Variants in NCALD observed in about 807,000 individuals in gnomAD.
NCALD encodes the protein neurocalcin-delta.
NCALD carries 10 observed loss-of-function variants against 18.6 expected under a neutral mutation model. The ratio of observed to expected loss-of-function variants is 0.54; its 90% CI spans 0.33 to 0.91. The LOEUF (loss-of-function observed/expected upper bound fraction) is 0.91, where lower values mean the gene tolerates loss of function less well. Ranked by LOEUF, NCALD falls within the 40% of genes least tolerant of loss-of-function variation. NCALD has a pLI of 0.03. For synonymous variants in NCALD, 88 were observed against 87.4 expected (o/e 1.01, Z -0.04); for missense variants, 184 against 247.6 (o/e 0.74, Z 1.72).
intron 4 of NCALD, among the ~76,000 whole-genome samples, chr8:101,865,354 G>A (rs1487760199): frequency 1.3e-5 from 2 of 152,208 alleles, no homozygotes; most frequent in African/African-American, 2.4e-5. Flanking sequence ...AGGACTCCAG[G>A]AGGGCTATTG....
At chr8:102,089,041 T>C (rs1200885639) in intron 1 of NCALD, among the ~76,000 whole-genome samples, 1 of 152,164 alleles carries the variant, frequency 6.6e-6, no homozygotes, top group African/African-American at 2.4e-5. Context: ...TATTAGGCCA[T>C]AAAAACTACA....
intron 4 of NCALD, among the ~76,000 whole-genome samples, chr8:101,799,795 C>A (rs930688260): frequency 6.6e-6 from 1 of 152,154 alleles, no homozygotes; most frequent in Non-Finnish European, 1.5e-5. Flanking sequence ...GGAAAGTACG[C>A]TGGCTATAAA....
chr8:102,113,995 G>T lies in NCALD; in HGVS notation c.-210+10242C>A, dbSNP rs1168602640. Among the ~76,000 whole-genome samples, 4 of 152,250 alleles carry T rather than the reference G, an allele frequency of 2.6e-5. No individual in the cohort carries two copies. In the South Asian group the frequency reaches 8.3e-4, roughly 32 times the overall value. On this transcript the variant is annotated intron_variant, in intron 1 of 6. Coordinates refer to the NCALD transcript ENST00000311028. Reference sequence around the variant, plus strand: ...GTAGCGAGTGTATCCCCTCAAGGGGGTCACTCCGTAGAACTAATGCTAAAA... The same window carrying T: ...GTAGCGAGTGTATCCCCTCAAGGGGTTCACTCCGTAGAACTAATGCTAAAA...
intron 1 of NCALD, among the ~76,000 whole-genome samples, chr8:101,782,709 C>T (rs1812066164): frequency 6.6e-6 from 1 of 152,208 alleles, no homozygotes; most frequent in Admixed American, 6.5e-5. Context: ...ATGCCAGACG[C>T]TCTCTATCCT....
intron 2 of NCALD, among the ~76,000 whole-genome samples, chr8:101,981,729 G>A (rs1820625656): frequency 6.6e-6 from 1 of 151,932 alleles, no homozygotes; most frequent in Non-Finnish European, 1.5e-5. Flanking sequence ...GCTTTTTAAG[G>A]AACTATAACC....
chr8:101,914,617 C>G (rs979331377), intron 3 of NCALD, among the ~76,000 whole-genome samples: 44 of 152,146 alleles, frequency 2.9e-4, no homozygotes, highest in African/African-American at 1.1e-3. Flanking sequence ...GTATTTATAT[C>G]AGTATAGATA....
intron 4 of NCALD, among the ~76,000 whole-genome samples, chr8:101,848,439 A>C (rs1015778542): frequency 6.6e-6 from 1 of 152,214 alleles, no homozygotes; most frequent in African/African-American, 2.4e-5. Flanking sequence ...ACTCTCAAAC[A>C]GATACAGCAA....
intron 4 of NCALD, among the ~76,000 whole-genome samples, chr8:101,797,472 A>C (rs1812681035): frequency 6.6e-6 from 1 of 152,206 alleles, no homozygotes; most frequent in Non-Finnish European, 1.5e-5. Flanking sequence ...TGAAATGACA[A>C]AAGGAAAAAG....
At chr8:101,969,822 A>G (rs1465622040) in intron 2 of NCALD, among the ~76,000 whole-genome samples, 1 of 152,230 alleles carries the variant, frequency 6.6e-6, no homozygotes, top group Non-Finnish European at 1.5e-5. Flanking sequence ...ATATGATTTG[A>G]CCTAATACTT....
chr8:101,784,248 T>G (rs1306387216), intron 1 of NCALD, among the ~76,000 whole-genome samples: 3 of 152,096 alleles, frequency 2.0e-5, no homozygotes, highest in Non-Finnish European at 4.4e-5. Context: ...GCAAGAGATG[T>G]TGGCTGAAAT....
At chr8:101,703,791 GCA>G (rs1237943438) in intron 2 of NCALD, among the ~76,000 whole-genome samples, 1 of 152,128 alleles carries the variant, frequency 6.6e-6, no homozygotes, top group Non-Finnish European at 1.5e-5. Flanking sequence ...AGAGAGAGTG[GCA>G]CAGAGAGAAC....
intron 1 of NCALD, chr8:101,745,836 T>C (rs577686732): frequency 1.3e-5 from 2 of 152,338 alleles, no homozygotes; most frequent in East Asian, 3.9e-4. Context: ...CTCACCTCAC[T>C]TCACAGATGA....
intron 3 of NCALD, chr8:101,691,554 T>A (rs1205940115): frequency 1.0e-5 from 10 of 985,256 alleles, no homozygotes; most frequent in Non-Finnish European, 1.1e-5. Context: ...CTCCCTTGAG[T>A]ACCAGTAAAA....
At chr8:101,927,825 G>C (rs1818394514) in intron 2 of NCALD, among the ~76,000 whole-genome samples, 2 of 152,122 alleles carry the variant, frequency 1.3e-5, no homozygotes, top group African/African-American at 2.4e-5. Flanking sequence ...CAGACCACAG[G>C]GGAGAGCCCA....
In NCALD at chr8:102,082,224, C is replaced by CTTT. The variant is rs1362023921; in HGVS notation, c.-210+42012_-210+42013insAAA. On this transcript the variant is annotated intron_variant, in intron 1 of 6. Coordinates refer to the NCALD transcript ENST00000311028. ...AATGGGCAGTTATTTGAGAAGCTCT[C>CTTT]TCTTTTTTTTTTTTTTTTTTTTTTT... Among the ~76,000 whole-genome samples, 22 of 109,478 alleles carry CTTT rather than the reference C, an allele frequency of 2.0e-4. 3 individuals carry two copies. Among genetic ancestry groups the CTTT allele is most frequent in the African/African-American group, 7.5e-4 (20 of 26,512 alleles). 71.8% of individuals were successfully genotyped at this position (109,478 alleles called of 152,430 possible).
chr8:101,705,597 G>A (rs990148526), intron 2 of NCALD, among the ~76,000 whole-genome samples: 13 of 152,136 alleles, frequency 8.5e-5, no homozygotes, highest in Non-Finnish European at 1.6e-4. Context: ...CTGGAGTAGG[G>A]GTGGACAGGA....
chr8:101,968,140 G>A (rs963047470), intron 2 of NCALD, among the ~76,000 whole-genome samples: 4 of 152,104 alleles, frequency 2.6e-5, no homozygotes, highest in Non-Finnish European at 4.4e-5. Flanking sequence ...CAGACCTCCA[G>A]GTTTCTCTAA....
chr8:101,992,794 C>T (rs1257592000), intron 2 of NCALD, among the ~76,000 whole-genome samples: 1 of 152,138 alleles, frequency 6.6e-6, no homozygotes, highest in Admixed American at 6.5e-5. Flanking sequence ...AGGCCTGGCA[C>T]ACAACAGGTG....
chr8:101,803,682 G>C (rs1380308328), intron 4 of NCALD, among the ~76,000 whole-genome samples: 1 of 152,156 alleles, frequency 6.6e-6, no homozygotes, highest in Non-Finnish European at 1.5e-5. Flanking sequence ...AGGAGTTTGG[G>C]AGAAGTTGAG....
Sources: gnomAD v4.1 joint callset for allele counts (sites outside exome capture counted in the v4.1 genomes callset) on GRCh38, gnomAD v4.1.1 for gene constraint, MANE v1.5 for transcripts, NCBI Gene and HGNC (gene_info 2026-07-23, HGNC 2026-07-21) for gene names.